NELL1: variants seen among roughly 807,000 people sequenced by gnomAD.
NELL1 encodes the protein neural EGFL like 1, also known as protein kinase C-binding protein NELL1.
A neutral mutation model predicts 107.4 loss-of-function variants in NELL1; 76 were observed. The observed-to-expected ratio is 0.71, with a 90% CI of 0.59 to 0.86. The LOEUF (loss-of-function observed/expected upper bound fraction) is 0.86. Ranked by LOEUF, NELL1 falls within the 40% of genes least tolerant of loss-of-function variation. The probability of loss-of-function intolerance (pLI) is 0.00; values close to 1 mark genes in which losing one functional copy is unlikely to be tolerated. For synonymous variants in NELL1, 353 were observed against 341.2 expected (o/e 1.03, Z -0.38); for missense variants, 1,024 against 1,005.5 (o/e 1.02, Z -0.25).
chr11:20,999,969 T>G (rs1343808461), intron 12 of NELL1, among the ~76,000 whole-genome samples: 1 of 151,356 alleles, frequency 6.6e-6, no homozygotes, highest in African/African-American at 2.4e-5. Flanking sequence ...AAAGGTCATA[T>G]GAAGGTTGTG....
intron 2 of NELL1, among the ~76,000 whole-genome samples, chr11:20,691,001 C>A (rs1350307753): frequency 6.6e-6 from 1 of 151,938 alleles, no homozygotes; most frequent in Non-Finnish European, 1.5e-5. Flanking sequence ...TCCTTCACGT[C>A]CCTTTTAAGT....
Position 20,814,755 on chromosome 11 carries a change from T to G in NELL1, c.335+30925T>G, listed in dbSNP as rs147087920. On this transcript the variant is annotated intron_variant, in intron 3 of 19. Coordinates refer to ENST00000357134, the MANE Select transcript of NELL1 (RefSeq NM_006157.5). ...TTTGCTGTTGTGACTAGTGCTGTAA[T>G]AAACTTGTGAGCTCATGTGTCTTTT... Among the ~76,000 whole-genome samples the G allele has an allele frequency of 1.8e-3, 270 of 152,362 alleles. 1 individual carries two copies. The highest frequency in any genetic ancestry group is 6.3e-3 in the African/African-American group (263 of 41,586).
chr11:20,700,140 A>G (rs150433078), intron 2 of NELL1, among the ~76,000 whole-genome samples: 147 of 152,132 alleles, frequency 9.7e-4, no homozygotes, highest in African/African-American at 3.4e-3. Flanking sequence ...ACAAAAACAA[A>G]AACAAAACAG....
At chr11:21,403,374 A>G (rs1007656301) in intron 15 of NELL1, among the ~76,000 whole-genome samples, 2 of 151,694 alleles carry the variant, frequency 1.3e-5, no homozygotes, top group African/African-American at 4.9e-5. Context: ...AATCCAATCC[A>G]ACCTATCTTA....
chr11:21,335,254 A>G (rs1010025), intron 14 of NELL1, among the ~76,000 whole-genome samples: 75,713 of 151,516 alleles, frequency 0.5, 19,235 homozygotes, highest in Admixed American at 0.62. Flanking sequence ...ATATTTCTAA[A>G]TATTTTTTGC....
intron 14 of NELL1, among the ~76,000 whole-genome samples, chr11:21,275,547 T>C (rs2133940257): frequency 6.6e-6 from 1 of 152,332 alleles, no homozygotes; most frequent in Admixed American, 6.5e-5. Flanking sequence ...CTAGCTCATT[T>C]TATGAGGCCA....
chr11:21,062,584 A>G (rs1853767623), intron 12 of NELL1, among the ~76,000 whole-genome samples: 1 of 152,200 alleles, frequency 6.6e-6, no homozygotes, highest in African/African-American at 2.4e-5. Flanking sequence ...ACTATATTCC[A>G]ACATCAATTG....
intron 12 of NELL1, chr11:21,000,782 G>A (rs1852200324): frequency 6.6e-6 from 1 of 152,174 alleles, no homozygotes. Context: ...TCTGTCCCAT[G>A]GGTGGAAGCC....
chr11:20,848,104 C>T (rs951534102), intron 4 of NELL1, among the ~76,000 whole-genome samples: 1 of 152,158 alleles, frequency 6.6e-6, no homozygotes, highest in Non-Finnish European at 1.5e-5. Flanking sequence ...TGAGTTCGTT[C>T]CACTGGGAAG....
At chr11:21,549,059 A>G (rs1033641071) in intron 16 of NELL1, among the ~76,000 whole-genome samples, 12 of 151,820 alleles carry the variant, frequency 7.9e-5, no homozygotes, top group African/African-American at 2.9e-4. Flanking sequence ...AACTTCAAAT[A>G]TATTCTATAC....
At chr11:20,671,264 C>T (rs1372587340) in intron 1 of NELL1, 1 of 152,400 alleles carries the variant, frequency 6.6e-6, no homozygotes, top group Non-Finnish European at 1.5e-5. Context: ...AGTGCGCGCA[C>T]CCCAGGAAGA....
chr11:21,118,305 G>GGGAGACA (rs1229203030), intron 13 of NELL1, among the ~76,000 whole-genome samples: 2 of 151,972 alleles, frequency 1.3e-5, no homozygotes, highest in African/African-American at 4.8e-5. Context: ...GAATATGGAT[G>GGGAGACA]GGAGACAGGA....
At chr11:21,159,585 C>G (rs1277572566) in intron 13 of NELL1, among the ~76,000 whole-genome samples, 6 of 152,160 alleles carry the variant, frequency 3.9e-5, no homozygotes, top group African/African-American at 1.4e-4. Flanking sequence ...GCCTTCATAC[C>G]ACTTCCCAAG....
intron 15 of NELL1, among the ~76,000 whole-genome samples, chr11:21,485,873 G>C (rs1854617219): frequency 6.6e-6 from 1 of 152,128 alleles, no homozygotes; most frequent in African/African-American, 2.4e-5. Flanking sequence ...ATCCACATGT[G>C]TTGGCACCTA....
chr11:20,938,940 C>CTCTCTG (rs1216133538), intron 10 of NELL1, among the ~76,000 whole-genome samples: 63 of 57,384 alleles, frequency 1.1e-3, no homozygotes, highest in Middle Eastern at 0.02. Context: ...CTCTCTCTCT[C>CTCTCTG]TGTGTGTGTG....
intron 12 of NELL1, among the ~76,000 whole-genome samples, chr11:21,002,740 A>T (rs577447668): frequency 2.1e-4 from 32 of 152,254 alleles, no homozygotes; most frequent in African/African-American, 7.5e-4. Flanking sequence ...TCCTCTTCTT[A>T]TAAGTCACCT....
At chr11:21,201,462 T>C (rs1422278394) in intron 13 of NELL1, among the ~76,000 whole-genome samples, 7 of 152,222 alleles carry the variant, frequency 4.6e-5, no homozygotes, top group Admixed American at 3.9e-4. Flanking sequence ...CTTGTGATTT[T>C]TGCACATTGA....
chr11:20,981,333 A>ATAAGTCTG (rs1347244427), intron 12 of NELL1, among the ~76,000 whole-genome samples: 3 of 152,186 alleles, frequency 2.0e-5, no homozygotes, highest in Admixed American at 2.0e-4. Context: ...AGTAGGAATC[A>ATAAGTCTG]TAAGTCTGTT....
chr11:20,803,845 G>A (rs1857327775), intron 3 of NELL1, among the ~76,000 whole-genome samples: 1 of 152,112 alleles, frequency 6.6e-6, no homozygotes, highest in Admixed American at 6.6e-5. Context: ...CTAATCAGCT[G>A]CCAGCATGGC....
Sources: gnomAD v4.1 joint callset for allele counts (sites outside exome capture counted in the v4.1 genomes callset) on GRCh38, gnomAD v4.1.1 for gene constraint, MANE v1.5 for transcripts, NCBI Gene and HGNC (gene_info 2026-07-23, HGNC 2026-07-21) for gene names.